PTPRN2: variants seen among roughly 807,000 people sequenced by gnomAD.
The protein encoded by PTPRN2 is receptor-type tyrosine-protein phosphatase N2.
In PTPRN2, 74 loss-of-function variants were observed where a neutral mutation model predicts 118.8. That is an observed-to-expected ratio of 0.62 (90% CI 0.52 to 0.76). The LOEUF (loss-of-function observed/expected upper bound fraction) is 0.76. Among genes scored for constraint, PTPRN2 ranks in the 30% least tolerant of loss-of-function variants. The pLI, the probability that PTPRN2 is intolerant of heterozygous loss-of-function variation, is 0.00. For missense variants in PTPRN2, 1,481 were observed against 1,394.4 expected (o/e 1.06, Z -0.99); for synonymous variants, 641 against 608.0 (o/e 1.05, Z -0.80).
chr7:158,539,849 C>T (rs975307039), intron 1 of PTPRN2: 7 of 230,992 alleles, frequency 3.0e-5, no homozygotes, highest in Non-Finnish European at 6.0e-5. Context: ...TACTGTGAGC[C>T]TGGAGCTGGT....
chr7:158,130,684 G>A (rs1383590558), intron 9 of PTPRN2, among the ~76,000 whole-genome samples: 1 of 115,192 alleles, frequency 8.7e-6, no homozygotes, highest in African/African-American at 3.8e-5. Context: ...CGTACATACA[G>A]ACACACACAT....
intron 3 of PTPRN2, among the ~76,000 whole-genome samples, chr7:158,223,614 T>G (rs1390532224): frequency 6.6e-6 from 1 of 152,098 alleles, no homozygotes; most frequent in Non-Finnish European, 1.5e-5. Flanking sequence ...AATTCAACAC[T>G]CATTCATGAA....
intron 11 of PTPRN2, among the ~76,000 whole-genome samples, chr7:157,949,546 G>C (rs992695951): frequency 9.9e-5 from 15 of 152,182 alleles, no homozygotes; most frequent in African/African-American, 3.6e-4. Context: ...ATCATTGAGG[G>C]GCTCAGACAC....
rs1585217898 is a variant in PTPRN2 at position 157,674,426 on chromosome 7, G to A, written c.2001+8299C>T. Among the ~76,000 whole-genome samples the A allele has an allele frequency of 6.6e-6, 1 of 152,296 alleles. No individual in the cohort carries two copies. Among genetic ancestry groups the A allele is most frequent in the Non-Finnish European group, 1.5e-5 (1 of 68,020 alleles). On this transcript the variant is annotated intron_variant, in intron 13 of 22. Coordinates refer to ENST00000389418, the MANE Select transcript of PTPRN2 (RefSeq NM_002847.5). The surrounding 1 kb of genome is among the most constrained non-coding windows in gnomAD (Gnocchi z 4.5). ...TCTGCTGGGTCCTCCTCGGTTTGAC[G>A]TGCAATTGCTTTTCCCGAAGCTTTC...
Position 157,729,552 on chromosome 7 carries a change from C to T in PTPRN2, c.1789-46615G>A, listed in dbSNP as rs544463089. On this transcript the variant is annotated intron_variant, in intron 12 of 22. Transcript: ENST00000389418. The surrounding 1 kb of genome is among the most constrained non-coding windows in gnomAD (Gnocchi z 4.3). Reference sequence around the variant, plus strand: ...TGTCCGAGTGGAGCCTCTGGTGAGCCGGACACCATCAAACAACATCAGAGC... The same window carrying T: ...TGTCCGAGTGGAGCCTCTGGTGAGCTGGACACCATCAAACAACATCAGAGC... 1.1e-4 allele frequency among the ~76,000 whole-genome samples: 17 copies of T among 152,332 alleles called. No homozygotes were observed. The highest frequency in any genetic ancestry group is 3.6e-4 in the African/African-American group (15 of 41,572).
chr7:158,579,583 C>T (rs962628018), intron 1 of PTPRN2, among the ~76,000 whole-genome samples: 1 of 152,184 alleles, frequency 6.6e-6, no homozygotes, highest in Non-Finnish European at 1.5e-5. Flanking sequence ...TAAAGATTAT[C>T]TGATTGGAAA....
intron 10 of PTPRN2, among the ~76,000 whole-genome samples, chr7:158,085,418 ACGCC>A (rs1813270442): frequency 1.5e-5 from 1 of 68,942 alleles, no homozygotes; most frequent in African/African-American, 5.2e-5. Context: ...CACACCCATG[ACGCC>A]CATCCACACC....
At chr7:157,575,104 C>T (rs1330450255) in intron 19 of PTPRN2, among the ~76,000 whole-genome samples, 1 of 152,126 alleles carries the variant, frequency 6.6e-6, no homozygotes, top group Non-Finnish European at 1.5e-5. Context: ...TACATGTTCC[C>T]GTCCATATAT....
At chr7:158,181,417 T>C (rs945823607) in intron 5 of PTPRN2, among the ~76,000 whole-genome samples, 6 of 152,186 alleles carry the variant, frequency 3.9e-5, no homozygotes, top group Non-Finnish European at 8.8e-5. Context: ...CATTATTTTA[T>C]CCCTGATTTT....
chr7:158,016,380 G>T (rs1016391871), intron 11 of PTPRN2, among the ~76,000 whole-genome samples: 18 of 152,214 alleles, frequency 1.2e-4, no homozygotes, highest in African/African-American at 4.3e-4. Flanking sequence ...GGAGTGGGCT[G>T]TGAGTGTAAG....
chr7:158,544,944 C>G lies in PTPRN2; in HGVS notation c.112+42614G>C, dbSNP rs1265115369. On this transcript the variant is annotated intron_variant, in intron 1 of 22. Transcript: ENST00000389418. The surrounding 1 kb of genome is among the most constrained non-coding windows in gnomAD (Gnocchi z 4.2). ...CTCTTTCTTCTTGTGGAAAGCCCCA[C>G]GTGGAGCAGAGGGGCATCTGGAGCT... Among the ~76,000 whole-genome samples, 3 of 152,202 alleles carry G rather than the reference C, an allele frequency of 2.0e-5. No individual in the cohort carries two copies. The highest frequency in any genetic ancestry group is 7.2e-5 in the African/African-American group (3 of 41,460).
At chr7:158,232,559 T>C (rs56150813) in intron 3 of PTPRN2, among the ~76,000 whole-genome samples, 1 of 151,938 alleles carries the variant, frequency 6.6e-6, no homozygotes, top group East Asian at 1.9e-4. Context: ...CTTCAAAAAA[T>C]TGAAGAGGAG....
chr7:157,804,450 G>A (rs554048013), intron 12 of PTPRN2, among the ~76,000 whole-genome samples: 24 of 152,280 alleles, frequency 1.6e-4, no homozygotes, highest in African/African-American at 5.5e-4. Flanking sequence ...TGTGCACGGA[G>A]CTTCCATTCT....
rs1168539468 is a variant in PTPRN2 at position 157,587,269 on chromosome 7, AACAGGCAG to A, written c.2496+7961_2496+7968del. On this transcript the variant is annotated intron_variant, in intron 17 of 22. Coordinates refer to ENST00000389418, the MANE Select transcript of PTPRN2 (RefSeq NM_002847.5). This position sits in a 1 kb window ranked among gnomAD's most constrained non-coding sequence, Gnocchi z 5.3. ...AGACAGGCAGACAGACAGGCAGACAAACAGGCAGACAGGCAGACGAGCCACTGGTGCCG... is the reference window on the plus strand; with the variant it reads ...AGACAGGCAGACAGACAGGCAGACAAACAGGCAGACGAGCCACTGGTGCCG... Among the ~76,000 whole-genome samples, 4 of 136,236 alleles carry A rather than the reference AACAGGCAG, an allele frequency of 2.9e-5. No homozygotes were observed. Among genetic ancestry groups the A allele is most frequent in the Non-Finnish European group, 4.6e-5 (3 of 65,252 alleles). The allele number at this position is 136,236 out of a possible 152,430, so 89.4% of individuals were successfully genotyped here. A position where few individuals can be genotyped will look rare whatever the true frequency, so the allele number is the denominator to read the frequency against.
intron 2 of PTPRN2, among the ~76,000 whole-genome samples, chr7:158,473,873 G>T (rs934441809): frequency 2.6e-5 from 4 of 152,076 alleles, no homozygotes; most frequent in African/African-American, 9.7e-5. Context: ...ATTGGGAAGC[G>T]AAAACTACTC....
intron 1 of PTPRN2, among the ~76,000 whole-genome samples, chr7:158,518,663 T>TA (rs1479590989): frequency 1.3e-5 from 2 of 152,106 alleles, no homozygotes; most frequent in Non-Finnish European, 2.9e-5. Flanking sequence ...TCCCCAAGGC[T>TA]AAGGGTCAAA....
At chr7:158,187,005 T>G (rs534188115) in intron 5 of PTPRN2, among the ~76,000 whole-genome samples, 14 of 152,326 alleles carry the variant, frequency 9.2e-5, no homozygotes, top group African/African-American at 2.6e-4. Flanking sequence ...GACAGGGAAT[T>G]TATGGTGTTC....
intron 2 of PTPRN2, among the ~76,000 whole-genome samples, chr7:158,367,239 G>T (rs867621955): frequency 1.3e-5 from 2 of 152,310 alleles, no homozygotes; most frequent in Middle Eastern, 3.4e-3. Flanking sequence ...AGTATGGCGG[G>T]GGCACAGATG....
At position 158,481,081 on chromosome 7, in the gene PTPRN2, G is replaced by A. The variant is rs187385270; in HGVS notation, c.163+8654C>T. On this transcript the variant is annotated intron_variant, in intron 2 of 22. Coordinates refer to ENST00000389418, the MANE Select transcript of PTPRN2 (RefSeq NM_002847.5). ...CTTCCATAGCTAGAGAGAAGACAGC[G>A]CCTGACTTCAAAGCTTCAAAGCACA... is the stretch of plus-strand genomic sequence containing the variant. Among the ~76,000 whole-genome samples the A allele has an allele frequency of 1.1e-3, 173 of 152,356 alleles. 2 individuals are homozygous for A. The South Asian group carries it at 0.012, about 11-fold the overall frequency.
Sources: allele counts gnomAD v4.1 joint callset (sites outside exome capture counted in the v4.1 genomes callset), GRCh38; gene constraint gnomAD v4.1.1; non-coding constraint Gnocchi (gnomAD v3.1); transcripts MANE v1.5; gene names NCBI Gene and HGNC (gene_info 2026-07-23, HGNC 2026-07-21).